Variants in NTRK3 observed in about 807,000 individuals in gnomAD.
The protein encoded by NTRK3 is NT-3 growth factor receptor.
A neutral mutation model predicts 91.7 loss-of-function variants in NTRK3; 24 were observed. The observed-to-expected ratio is 0.26, with a 90% CI of 0.19 to 0.37. NTRK3 has a LOEUF of 0.37. NTRK3 is among the 10% of genes least tolerant of loss of function. NTRK3 has a pLI of 1.00. For missense variants in NTRK3, 880 were observed against 1,068.9 expected, an observed-to-expected ratio of 0.82 and a Z score of 2.46; for synonymous variants, 483 against 404.0, an observed-to-expected ratio of 1.20 and a Z score of -2.34.
At chr15:88,154,475 A>G (rs191350234) in intron 5 of NTRK3, among the ~76,000 whole-genome samples, 20 of 152,334 alleles carry the variant, frequency 1.3e-4, no homozygotes, top group African/African-American at 4.8e-4. Context: ...ATTTTCCTAC[A>G]TCATTGATAT....
chr15:88,135,855 T>C (rs766907403), intron 9 of NTRK3, 44 bp downstream of exon 9: 1 of 1,610,800 alleles, frequency 6.2e-7, no homozygotes, highest in South Asian at 1.1e-5. Flanking sequence ...CCTATGCCAG[T>C]TGCCCCTCAC....
chr15:87,916,701 G>C, intron 17 of NTRK3: 1 of 640,856 alleles, frequency 1.6e-6, no homozygotes, highest in East Asian at 2.8e-5. Context: ...TATTCCACTG[G>C]TTTCCCACCA....
At chr15:87,923,203 A>G (rs2068017706) in intron 17 of NTRK3, among the ~76,000 whole-genome samples, 1 of 152,186 alleles carries the variant, frequency 6.6e-6, no homozygotes, top group African/African-American at 2.4e-5. Context: ...GCTATGAAGT[A>G]CAATTCATGT....
rs559465399 is a variant in NTRK3 at position 87,965,269 on chromosome 15, C to T, written c.1586-24516G>A. Among the ~76,000 whole-genome samples the T allele has an allele frequency of 2.6e-5, 4 of 152,264 alleles. No homozygotes were observed. In the South Asian group the frequency reaches 8.3e-4, roughly 32 times the overall value. On this transcript the variant is annotated intron_variant, in intron 14 of 18. Coordinates refer to ENST00000394480, the Ensembl canonical transcript of NTRK3. ...AATTTTCTACTGTGAATATAAATTA[C>T]CTTTGTAATCAGAAAAAAGCACAAT... is the stretch of plus-strand genomic sequence containing the variant.
exon 12 of NTRK3, chr15:88,127,166 A>T (rs757374105): frequency 3.1e-6 from 5 of 1,613,838 alleles, no homozygotes; most frequent in Non-Finnish European, 4.2e-6. Flanking sequence ...ACTCACCCCA[A>T]AAGTGTCTTC....
At chr15:88,106,653 C>T (rs987499536) in intron 13 of NTRK3, among the ~76,000 whole-genome samples, 3 of 152,106 alleles carry the variant, frequency 2.0e-5, no homozygotes, top group Admixed American at 2.0e-4. Context: ...TGAGAATGGG[C>T]CAGGCATGTG....
intron 3 of NTRK3, among the ~76,000 whole-genome samples, chr15:88,190,511 G>T (rs933980108): frequency 2.0e-5 from 3 of 152,186 alleles, no homozygotes; most frequent in Non-Finnish European, 4.4e-5. Flanking sequence ...ACCCTGATAT[G>T]ACTTCCTATT....
intron 14 of NTRK3, among the ~76,000 whole-genome samples, chr15:87,948,381 C>A (rs2070774960): frequency 6.6e-6 from 1 of 152,170 alleles, no homozygotes; most frequent in African/African-American, 2.4e-5. Flanking sequence ...TTTTAGAGGT[C>A]TAGAATTTAA....
At chr15:87,896,851 C>T (rs899838571) in intron 17 of NTRK3, among the ~76,000 whole-genome samples, 1 of 152,074 alleles carries the variant, frequency 6.6e-6, no homozygotes, top group Non-Finnish European at 1.5e-5. Context: ...CTTCTTTTTG[C>T]CTCTCCTCTT....
At chr15:88,111,272 T>C (rs973496614) in intron 13 of NTRK3, among the ~76,000 whole-genome samples, 1 of 152,122 alleles carries the variant, frequency 6.6e-6, no homozygotes, top group African/African-American at 2.4e-5. Flanking sequence ...CAATATGGAA[T>C]TGAGGTTTCT....
chr15:88,248,241 G>C (rs1468091932), intron 3 of NTRK3, among the ~76,000 whole-genome samples: 1 of 152,198 alleles, frequency 6.6e-6, no homozygotes, highest in Non-Finnish European at 1.5e-5. Context: ...CCTGGGAAGA[G>C]GGTGTGGCTG....
chr15:87,976,126 G>C (rs1020307320), intron 14 of NTRK3, among the ~76,000 whole-genome samples: 3 of 152,034 alleles, frequency 2.0e-5, no homozygotes, highest in Admixed American at 6.6e-5. Flanking sequence ...AAAAATGAAA[G>C]TTCTCCCTCG....
At chr15:87,871,874 C>G in exon 19 of NTRK3, 1 of 221,684 alleles carries the variant, frequency 4.5e-6, no homozygotes, top group Non-Finnish European at 9.0e-6. Flanking sequence ...TTAAGCAACA[C>G]CAAAACATTT....
chr15:87,895,713 C>T (rs140803006), intron 17 of NTRK3, among the ~76,000 whole-genome samples: 77 of 152,192 alleles, frequency 5.1e-4, no homozygotes, highest in African/African-American at 1.8e-3. Flanking sequence ...AACCTGCTCG[C>T]TCTCTGAAGT....
intron 13 of NTRK3, among the ~76,000 whole-genome samples, chr15:88,033,266 A>T (rs2078761788): frequency 7.1e-6 from 1 of 141,322 alleles, no homozygotes; most frequent in Non-Finnish European, 1.5e-5. Flanking sequence ...ACCCCTTATC[A>T]GATATACATG....
At chr15:87,952,970 A>G (rs965090581) in intron 14 of NTRK3, among the ~76,000 whole-genome samples, 4 of 152,088 alleles carry the variant, frequency 2.6e-5, no homozygotes, top group African/African-American at 4.8e-5. Flanking sequence ...GTGGGCAGCC[A>G]CAGCTCAGCG....
intron 3 of NTRK3, among the ~76,000 whole-genome samples, chr15:88,205,484 T>C (rs982423654): frequency 1.3e-5 from 2 of 152,206 alleles, no homozygotes; most frequent in Non-Finnish European, 2.9e-5. Context: ...TTACATGATC[T>C]GCCACAGATC....
intron 13 of NTRK3, among the ~76,000 whole-genome samples, chr15:88,063,062 C>A (rs1389886047): frequency 6.6e-6 from 1 of 152,234 alleles, no homozygotes; most frequent in South Asian, 2.1e-4. Context: ...TGCTGTGGTT[C>A]AACACTGGGC....
chr15:88,086,819 T>A (rs1017776147), intron 13 of NTRK3, among the ~76,000 whole-genome samples: 2 of 152,220 alleles, frequency 1.3e-5, no homozygotes, highest in African/African-American at 4.8e-5. Context: ...GTGTGGTGGA[T>A]GACCCTAGTT....
Sources: allele counts gnomAD v4.1 joint callset (sites outside exome capture counted in the v4.1 genomes callset), GRCh38; gene constraint gnomAD v4.1.1; transcripts MANE v1.5; gene names NCBI Gene and HGNC (gene_info 2026-07-23, HGNC 2026-07-21).